CAMTA1: variants seen among roughly 807,000 people sequenced by gnomAD.
The protein encoded by CAMTA1 is calmodulin-binding transcription activator 1.
CAMTA1 carries 27 observed loss-of-function variants against 170.9 expected under a neutral mutation model. That is an observed-to-expected ratio of 0.16 (90% CI 0.12 to 0.22). CAMTA1 has a LOEUF of 0.22. CAMTA1 is among the 10% of genes least tolerant of loss of function. The probability of loss-of-function intolerance (pLI) is 1.00; values close to 1 mark genes in which losing one functional copy is unlikely to be tolerated. For synonymous variants in CAMTA1, 833 were observed against 891.5 expected (o/e 0.93, Z 1.17); for missense variants, 1,619 against 2,217.2 (o/e 0.73, Z 5.42).
chr1:6,992,143 C>T (rs2100451421), intron 3 of CAMTA1, among the ~76,000 whole-genome samples: 1 of 152,288 alleles, frequency 6.6e-6, no homozygotes, highest in South Asian at 2.1e-4. Context: ...AGTTATGCCT[C>T]ACTGCAGCCC....
rs754616935 is a variant in CAMTA1 at position 7,665,122 on chromosome 1, G to A, written c.2575G>A (p.Gly859Ser). ...AEVVSAASAQ[G>S]TLGMLQQSGR... ...GGTGGTCTCGGCCGCCTCGGCCCAG[G>A]GCACCCTAGGCATGCTGCAGCAGAG... Residue 859 changes from glycine to serine, a missense_variant, in exon 9 of 23, where the codon GGC becomes AGC. By Grantham distance (56) the Gly-to-Ser change is moderately conservative. Coordinates refer to ENST00000303635, the MANE Select transcript of CAMTA1 (RefSeq NM_015215.4). This position sits in a 1 kb window ranked among gnomAD's most constrained non-coding sequence, Gnocchi z 4.3. The A allele has an allele frequency of 6.6e-7, 1 of 1,519,784 alleles. No homozygotes were observed. The allele number at this position is 1,519,784 out of a possible 1,614,324, so 94.1% of individuals were successfully genotyped here. A position where few individuals can be genotyped will look rare whatever the true frequency, so the allele number is the denominator to read the frequency against.
intron 3 of CAMTA1, among the ~76,000 whole-genome samples, chr1:6,928,303 C>T (rs1360237940): frequency 2.0e-5 from 3 of 152,188 alleles, no homozygotes. Context: ...GCCTGAAGTA[C>T]TGAAATCATT....
chr1:7,253,740 G>T (rs1666956590), intron 5 of CAMTA1, among the ~76,000 whole-genome samples: 1 of 152,142 alleles, frequency 6.6e-6, no homozygotes, highest in African/African-American at 2.4e-5. Flanking sequence ...GGGTCTGCTT[G>T]GTTCTAAAGC....
intron 1 of CAMTA1, among the ~76,000 whole-genome samples, chr1:6,810,655 T>A (rs1645052965): frequency 6.6e-6 from 1 of 151,732 alleles, no homozygotes; most frequent in Non-Finnish European, 1.5e-5. Context: ...AATACAAAAA[T>A]TTAGCCGGGC....
At chr1:7,019,340 C>T (rs1415904366) in intron 3 of CAMTA1, among the ~76,000 whole-genome samples, 3 of 152,212 alleles carry the variant, frequency 2.0e-5, no homozygotes, top group Admixed American at 2.0e-4. Flanking sequence ...CAACAGTATG[C>T]TCGTTGACTA....
At chr1:7,124,724 G>A (rs1270761782) in intron 4 of CAMTA1, among the ~76,000 whole-genome samples, 6 of 152,252 alleles carry the variant, frequency 3.9e-5, no homozygotes, top group African/African-American at 1.2e-4. Context: ...TCCCCACGGC[G>A]AAGCACGGCG....
intron 5 of CAMTA1, among the ~76,000 whole-genome samples, chr1:7,451,545 C>G (rs189615488): frequency 2.6e-4 from 39 of 152,294 alleles, no homozygotes; most frequent in African/African-American, 8.4e-4. Flanking sequence ...TGAGCTTTAC[C>G]AGAATACGCA....
chr1:7,043,819 G>C (rs1054441194), intron 3 of CAMTA1, among the ~76,000 whole-genome samples: 1 of 152,196 alleles, frequency 6.6e-6, no homozygotes, highest in African/African-American at 2.4e-5. Flanking sequence ...CCTCAGGCTA[G>C]AGCTTTTGTG....
chr1:7,202,184 A>C (rs2149016278), intron 4 of CAMTA1, among the ~76,000 whole-genome samples: 1 of 152,316 alleles, frequency 6.6e-6, no homozygotes, highest in African/African-American at 2.4e-5. Context: ...CATTGTCAAA[A>C]GTCAATTGAT....
rs1048970114 is a variant in CAMTA1, at chr1:7,216,176, C to T, written c.303-33315C>T. ...AGAGGGTGAAGGGGGAGGTCCTGCA[C>T]TCTTCCAAACAACCAGATCTCCTGA... is the stretch of plus-strand genomic sequence containing the variant. On this transcript the variant is annotated intron_variant, in intron 4 of 22. Transcript: ENST00000303635. This position sits in a 1 kb window ranked among gnomAD's most constrained non-coding sequence, Gnocchi z 4.0. Among the ~76,000 whole-genome samples, 3 of 152,170 alleles carry T rather than the reference C, an allele frequency of 2.0e-5. No homozygotes were observed. The highest frequency in any genetic ancestry group is 7.2e-5 in the African/African-American group (3 of 41,440).
intron 6 of CAMTA1, among the ~76,000 whole-genome samples, chr1:7,613,337 T>C (rs914263549): frequency 6.6e-6 from 1 of 152,078 alleles, no homozygotes; most frequent in African/African-American, 2.4e-5. Context: ...CTGAGTGAGA[T>C]GGACAGACAA....
intron 3 of CAMTA1, among the ~76,000 whole-genome samples, chr1:7,057,458 C>T (rs1412067104): frequency 6.6e-6 from 1 of 152,200 alleles, no homozygotes; most frequent in African/African-American, 2.4e-5. Context: ...CTCAGGGCGG[C>T]GGGGTGGCCC....
chr1:7,122,103 T>C (rs996917600), intron 4 of CAMTA1, among the ~76,000 whole-genome samples: 2 of 151,948 alleles, frequency 1.3e-5, no homozygotes, highest in Non-Finnish European at 1.5e-5. Context: ...GCTCTGTGAG[T>C]GTCCGAGGGG....
chr1:7,743,926 A>T (rs958135437), intron 16 of CAMTA1, among the ~76,000 whole-genome samples: 1 of 148,478 alleles, frequency 6.7e-6, no homozygotes, highest in African/African-American at 2.5e-5. Flanking sequence ...TCCCAGGTTC[A>T]TGCCATTCTC....
At chr1:7,653,212 G>A (rs1032277530) in intron 7 of CAMTA1, among the ~76,000 whole-genome samples, 2 of 152,184 alleles carry the variant, frequency 1.3e-5, no homozygotes, top group African/African-American at 2.4e-5. Flanking sequence ...CTGGCCCCGT[G>A]CCCTGCCCAC....
At chr1:6,804,175 T>C (rs973520723) in intron 1 of CAMTA1, among the ~76,000 whole-genome samples, 3 of 143,682 alleles carry the variant, frequency 2.1e-5, no homozygotes, top group Non-Finnish European at 4.6e-5. Context: ...CGAGCGAAAC[T>C]CTTTTTTTTT....
intron 5 of CAMTA1, among the ~76,000 whole-genome samples, chr1:7,386,566 GCCT>G (rs2088015532): frequency 6.6e-6 from 1 of 152,128 alleles, no homozygotes; most frequent in Non-Finnish European, 1.5e-5. Flanking sequence ...ATCTGCCAAG[GCCT>G]CCTCCTACGC....
chr1:7,519,150 C>G (rs2094327012), intron 6 of CAMTA1, among the ~76,000 whole-genome samples: 1 of 152,082 alleles, frequency 6.6e-6, no homozygotes. Context: ...CTTCTCAAAT[C>G]ATCAAAAGCT....
rs57574805 is a variant in CAMTA1 at position 7,213,745 on chromosome 1, C to G, written c.303-35746C>G. On this transcript the variant is annotated intron_variant, in intron 4 of 22. Transcript: ENST00000303635. ...TTAACATGAGGTATATCTCCTAATG[C>G]TATCCCTCCCCCCTCCGCCCACCCC... Among the ~76,000 whole-genome samples the G allele has an allele frequency of 2.6e-3, 398 of 152,192 alleles. 2 individuals carry two copies. The highest frequency in any genetic ancestry group is 9.3e-3 in the African/African-American group (387 of 41,514).
Sources: gnomAD v4.1 joint callset for allele counts (sites outside exome capture counted in the v4.1 genomes callset) on GRCh38, gnomAD v4.1.1 for gene constraint, Gnocchi (gnomAD v3.1) non-coding constraint, MANE v1.5 for transcripts, NCBI Gene and HGNC (gene_info 2026-07-23, HGNC 2026-07-21) for gene names.